Variants in MAPK14 observed in about 807,000 individuals in gnomAD.
MAPK14 encodes CSAID-binding protein.
In MAPK14, 16 loss-of-function variants were observed where a neutral mutation model predicts 49.6. That is an observed-to-expected ratio of 0.32 (90% CI 0.22 to 0.49). MAPK14 has a LOEUF of 0.49. MAPK14 is among the 20% of genes least tolerant of loss of function. MAPK14 has a pLI of 0.99. For synonymous variants in MAPK14, 142 were observed against 158.0 expected, an observed-to-expected ratio of 0.90 and a Z score of 0.76; for missense variants, 200 against 441.2, an observed-to-expected ratio of 0.45 and a Z score of 4.90.
At chr6:36,054,416 C>CAAT (rs1412666491) in intron 2 of MAPK14, among the ~76,000 whole-genome samples, 4 of 152,076 alleles carry the variant, frequency 2.6e-5, no homozygotes, top group African/African-American at 7.2e-5. Context: ...TATGTTAAGC[C>CAAT]AATGTTTAGG....
At chr6:36,076,515 T>C (rs1199912097) in intron 7 of MAPK14, 22 bp from the exon 8 acceptor site, 1 of 1,581,940 alleles carries the variant, frequency 6.3e-7, no homozygotes, top group East Asian at 2.2e-5. Context: ...CATATACTTT[T>C]ACTTCTTTTT....
intron 8 of MAPK14, among the ~76,000 whole-genome samples, chr6:36,087,736 C>T (rs1409362388): frequency 2.6e-5 from 4 of 152,086 alleles, no homozygotes; most frequent in Non-Finnish European, 5.9e-5. Flanking sequence ...AAATTTAATG[C>T]TATTCCCATT....
chr6:36,112,205 C>CA (rs11387797), downstream of MAPK14, among the ~76,000 whole-genome samples: 19,864 of 138,130 alleles, frequency 0.14, 1,561 homozygotes, highest in African/African-American at 0.24. Flanking sequence ...GACTCCGTCT[C>CA]AAAAAAAAAA....
chr6:36,124,214 C>T, the MAPK14 span, among the ~76,000 whole-genome samples: 1 of 138,350 alleles, frequency 7.2e-6, no homozygotes, highest in Non-Finnish European at 1.5e-5. Context: ...CAGTTTCACT[C>T]TTGTTGCCCA....
intron 9 of MAPK14, among the ~76,000 whole-genome samples, chr6:36,098,374 T>C (rs1049343967): frequency 6.6e-6 from 1 of 152,168 alleles, no homozygotes; most frequent in Middle Eastern, 3.4e-3. Context: ...GAAAATCATA[T>C]TAAGAAAGCA....
chr6:36,071,366 C>T (rs1040518426), intron 3 of MAPK14, among the ~76,000 whole-genome samples: 16 of 151,916 alleles, frequency 1.1e-4, no homozygotes, highest in African/African-American at 3.9e-4. Context: ...TTTTTAGAAC[C>T]GATCTACTTT....
At chr6:36,034,171 T>G (rs1354337125) in intron 1 of MAPK14, among the ~76,000 whole-genome samples, 1 of 152,166 alleles carries the variant, frequency 6.6e-6, no homozygotes, top group African/African-American at 2.4e-5. Context: ...CATTGCCCAG[T>G]TTATGTGAGG....
chr6:36,093,254 T>C (rs1018335242), intron 8 of MAPK14, among the ~76,000 whole-genome samples: 1 of 152,114 alleles, frequency 6.6e-6, no homozygotes, highest in African/African-American at 2.4e-5. Context: ...TCTTCAGGCC[T>C]GATATTGTTT....
intron 9 of MAPK14, among the ~76,000 whole-genome samples, chr6:36,098,962 T>C (rs533575551): frequency 6.6e-6 from 1 of 152,350 alleles, no homozygotes; most frequent in East Asian, 1.9e-4. Flanking sequence ...TATCCCCTTT[T>C]GGAATTTACT....
Position 36,028,521 on chromosome 6 carries a change from C to G in MAPK14, c.116+248C>G, listed in dbSNP as rs1036241090. Reference sequence around the variant, plus strand: ...AGAGGTAGGTGGTGGTGCTGGAGCTCGGTTCTGGCTAGCACCCTGCGCCTT... The same window carrying G: ...AGAGGTAGGTGGTGGTGCTGGAGCTGGGTTCTGGCTAGCACCCTGCGCCTT... On this transcript the variant is annotated intron_variant, in intron 1 of 11. Transcript: ENST00000229794. The surrounding 1 kb of genome is among the most constrained non-coding windows in gnomAD (Gnocchi z 5.1). Among the ~76,000 whole-genome samples, 1 of 152,204 alleles carries G rather than the reference C, an allele frequency of 6.6e-6. No homozygotes were observed. Among genetic ancestry groups the G allele is most frequent in the East Asian group, 1.9e-4 (1 of 5,184 alleles).
chr6:36,049,500 A>G (rs76877192), intron 1 of MAPK14, among the ~76,000 whole-genome samples: 2,646 of 152,312 alleles, frequency 0.017, 77 homozygotes, highest in African/African-American at 0.06. Context: ...AATACAGATT[A>G]TTAGACCCAC....
chr6:36,086,524 C>T (rs1764992273), intron 8 of MAPK14, among the ~76,000 whole-genome samples: 1 of 152,174 alleles, frequency 6.6e-6, no homozygotes, highest in African/African-American at 2.4e-5. Flanking sequence ...CTATAAACAC[C>T]TCTATGCAAA....
At chr6:36,051,505 ACT>A (rs1236631318) in intron 1 of MAPK14, among the ~76,000 whole-genome samples, 5 of 150,034 alleles carry the variant, frequency 3.3e-5, no homozygotes, top group Non-Finnish European at 7.4e-5. Context: ...ATCCCTTCCC[ACT>A]CTCCCCTTGC....
intron 1 of MAPK14, among the ~76,000 whole-genome samples, chr6:36,050,363 A>T (rs1419774700): frequency 6.6e-6 from 1 of 152,260 alleles, no homozygotes; most frequent in Non-Finnish European, 1.5e-5. Flanking sequence ...GGGTACAAGT[A>T]AACTAGAGGT....
intron 1 of MAPK14, among the ~76,000 whole-genome samples, chr6:36,037,245 C>T (rs1053425800): frequency 2.6e-5 from 4 of 152,116 alleles, no homozygotes; most frequent in African/African-American, 9.7e-5. Context: ...TGAGGTACAC[C>T]TGTATGTATG....
At chr6:36,089,445 C>T (rs558995869) in intron 8 of MAPK14, among the ~76,000 whole-genome samples, 1 of 152,078 alleles carries the variant, frequency 6.6e-6, no homozygotes, top group Non-Finnish European at 1.5e-5. Flanking sequence ...GGGCTTAACA[C>T]CTAGGTGATG....
Position 36,072,985 on chromosome 6 carries a change from G to A in MAPK14, c.417+1G>A. On this transcript the variant is annotated splice_donor_variant, in intron 4 of 11. Transcript: ENST00000229794. LOFTEE classifies it high-confidence loss of function. ...CTACCAAATTCTCCGAGGTCTAAAG[G>A]TACAGATAATACAAGTAATAATTTT... The A allele has an allele frequency of 6.4e-7, 1 of 1,551,898 alleles. No individual in the cohort carries two copies. Among genetic ancestry groups the A allele is most frequent in the Admixed American group, 1.7e-5 (1 of 59,752 alleles).
Position 36,059,305 on chromosome 6 carries a change from A to G in MAPK14, c.263A>G (p.Asp88Gly). The change falls in exon 3 of 12, where the codon GAC (aspartate) becomes GGC (glycine). Residue 88 changes from aspartate to glycine, a missense_variant. Asp to Gly is a moderately conservative substitution (Grantham distance 94). This residue lies in a region of MAPK14 where 170 missense variants were observed against 407.0 expected (regional missense o/e 0.42). Transcript: ENST00000229794. Reference sequence around the variant, plus strand: ...TTCTTACAGGTGATTGGTCTGTTGGACGTTTTTACACCTGCAAGGTCTCTG... The same window carrying G: ...TTCTTACAGGTGATTGGTCTGTTGGGCGTTTTTACACCTGCAAGGTCTCTG... ...MKHENVIGLL[D>G]VFTPARSLEE... The G allele has an allele frequency of 6.2e-7, 1 of 1,609,464 alleles. No individual in the cohort carries two copies. The highest frequency in any genetic ancestry group is 8.5e-7 in the Non-Finnish European group (1 of 1,176,088).
intron 8 of MAPK14, among the ~76,000 whole-genome samples, chr6:36,088,438 A>G (rs1765077806): frequency 6.6e-6 from 1 of 152,174 alleles, no homozygotes; most frequent in Non-Finnish European, 1.5e-5. Context: ...AAAGTTGGCA[A>G]AGGGCCAGGC....
Sources: gnomAD v4.1 joint callset for allele counts (sites outside exome capture counted in the v4.1 genomes callset) on GRCh38, gnomAD v4.1.1 for gene constraint, gnomAD v4.1.1 regional missense constraint, Gnocchi (gnomAD v3.1) non-coding constraint, MANE v1.5 for transcripts, NCBI Gene and HGNC (gene_info 2026-07-23, HGNC 2026-07-21) for gene names.